SCIN: variants seen among roughly 807,000 people sequenced by gnomAD.
SCIN encodes the protein scinderin.
Under a neutral mutation model 91.8 loss-of-function variants are expected in SCIN, and 91 were observed. That is an observed-to-expected ratio of 0.99 (90% CI 0.84 to 1.18). The LOEUF (loss-of-function observed/expected upper bound fraction) is 1.18, where lower values mean the gene tolerates loss of function less well. Among genes scored for constraint, SCIN ranks in the 50% most tolerant of loss-of-function variants. The pLI is 0.00. For missense variants in SCIN, 1,087 were observed against 863.9 expected (o/e 1.26, Z -3.24); for synonymous variants, 367 against 312.6 (o/e 1.17, Z -1.84).
intron 9 of SCIN, among the ~76,000 whole-genome samples, chr7:12,630,944 T>C (rs2115280464): frequency 6.6e-6 from 1 of 152,366 alleles, no homozygotes; most frequent in Middle Eastern, 3.4e-3. Context: ...ATAAATTAAT[T>C]ATTCCCAGTT....
chr7:12,585,983 C>T (rs1782579036), intron 3 of SCIN, among the ~76,000 whole-genome samples: 1 of 152,214 alleles, frequency 6.6e-6, no homozygotes, highest in Non-Finnish European at 1.5e-5. Flanking sequence ...TGTCCAGTGT[C>T]CCAGCCCTTT....
At chr7:12,605,862 CTTAAA>C (rs1389681671) in intron 4 of SCIN, among the ~76,000 whole-genome samples, 3 of 152,094 alleles carry the variant, frequency 2.0e-5, no homozygotes, top group African/African-American at 7.2e-5. Context: ...TAGTGTAGTT[CTTAAA>C]TTAATGTGAA....
chr7:12,603,210 T>G (rs1431593910), intron 3 of SCIN, among the ~76,000 whole-genome samples: 1 of 152,106 alleles, frequency 6.6e-6, no homozygotes, highest in Non-Finnish European at 1.5e-5. Flanking sequence ...AATGGCATGA[T>G]CTCCGCTCAC....
In SCIN at chr7:12,570,725, C is replaced by A; in HGVS notation, c.-62C>A. Reference sequence around the variant, plus strand: ...GCGGCGAATAAGGTTCCTCCTGCTGCTCTCGGTTTAGTCCAAGATCAGCGA... The same window carrying A: ...GCGGCGAATAAGGTTCCTCCTGCTGATCTCGGTTTAGTCCAAGATCAGCGA... On this transcript the variant is annotated 5_prime_UTR_variant, in exon 1 of 16. Transcript: ENST00000297029. 1 of 1,518,110 alleles carries A rather than the reference C, an allele frequency of 6.6e-7. No individual in the cohort carries two copies. The highest frequency in any genetic ancestry group is 8.9e-7 in the Non-Finnish European group (1 of 1,125,562). The allele number at this position is 1,518,110 out of a possible 1,614,324, so 94.0% of individuals were successfully genotyped here.
intron 3 of SCIN, among the ~76,000 whole-genome samples, chr7:12,583,931 T>A (rs1186119079): frequency 6.6e-6 from 1 of 152,172 alleles, no homozygotes; most frequent in Non-Finnish European, 1.5e-5. Context: ...ATATTTGGAA[T>A]GAGAGATATT....
intron 4 of SCIN, among the ~76,000 whole-genome samples, chr7:12,620,000 AT>A (rs1281423244): frequency 3.3e-5 from 5 of 152,020 alleles, no homozygotes; most frequent in Non-Finnish European, 7.4e-5. Flanking sequence ...TTAAAAATAA[AT>A]TTTAAATGTT....
chr7:12,594,724 A>G (rs534380111), intron 3 of SCIN, among the ~76,000 whole-genome samples: 58 of 152,118 alleles, frequency 3.8e-4, no homozygotes, highest in Non-Finnish European at 7.5e-4. Flanking sequence ...ACCACAGACG[A>G]CAAAGACGAG....
intron 1 of SCIN, among the ~76,000 whole-genome samples, chr7:12,573,831 A>G (rs1361312783): frequency 6.6e-6 from 1 of 152,198 alleles, no homozygotes; most frequent in Non-Finnish European, 1.5e-5. Context: ...GGGCTATACC[A>G]GGCCTTGTGC....
intron 3 of SCIN, among the ~76,000 whole-genome samples, chr7:12,585,510 C>G (rs2115218759): frequency 6.6e-6 from 1 of 152,294 alleles, no homozygotes. Context: ...GACCTCTTGC[C>G]TGAGCTCCAA....
chr7:12,624,899 GC>G, intron 5 of SCIN, 110 bp from the exon 6 acceptor site: 1 of 1,064,192 alleles, frequency 9.4e-7, no homozygotes, highest in East Asian at 2.7e-5. Flanking sequence ...ACAATTCAAT[GC>G]TTTTTATTTG....
chr7:12,593,871 T>C (rs555723746), intron 3 of SCIN, among the ~76,000 whole-genome samples: 2 of 152,330 alleles, frequency 1.3e-5, no homozygotes, highest in South Asian at 4.1e-4. Flanking sequence ...AGCCACACTC[T>C]TTCCTTCTCT....
intron 3 of SCIN, among the ~76,000 whole-genome samples, chr7:12,601,134 T>C (rs1006516486): frequency 1.3e-5 from 2 of 152,238 alleles, no homozygotes; most frequent in South Asian, 2.1e-4. Context: ...TTATTTCTTA[T>C]AAAGTTTTGC....
At chr7:12,594,726 A>G (rs929493155) in intron 3 of SCIN, among the ~76,000 whole-genome samples, 2 of 152,124 alleles carry the variant, frequency 1.3e-5, no homozygotes, top group African/African-American at 4.8e-5. Context: ...CACAGACGAC[A>G]AAGACGAGAG....
At chr7:12,635,611 C>CAAAAA (rs59324421) in intron 9 of SCIN, among the ~76,000 whole-genome samples, 139 of 5,862 alleles carry the variant, frequency 0.024, 36 homozygotes, top group East Asian at 0.044. Flanking sequence ...GACTCCGTCT[C>CAAAAA]AAAAAAAAAA....
At chr7:12,640,272 A>C in intron 10 of SCIN, 75 bp from the exon 11 acceptor site, 1 of 1,279,404 alleles carries the variant, frequency 7.8e-7, no homozygotes, top group Non-Finnish European at 1.0e-6. Flanking sequence ...ACAACATAAG[A>C]ACACATTTGG....
rs1226494979 is a variant in SCIN, at chr7:12,626,715, T to A, written c.1113T>A (p.Ile371=). The A allele has an allele frequency of 1.2e-6, 2 of 1,603,938 alleles. No homozygotes were observed. The highest frequency in any genetic ancestry group is 1.1e-5 in the South Asian group (1 of 88,860). ...AGAAAGTGGCTCAAATAAAACAAAT[T>A]CCCTTTGATGCCTCAAAATTACACA... is the stretch of plus-strand genomic sequence containing the variant. ...VTEKVAQIKQ[I]PFDASKLHSS... The change falls in exon 8 of 16, where the codon ATT becomes ATA. Residue 371 remains isoleucine, a synonymous_variant. Transcript: ENST00000297029.
chr7:12,635,518 A>C (rs1457594084), intron 9 of SCIN, among the ~76,000 whole-genome samples: 3 of 145,274 alleles, frequency 2.1e-5, no homozygotes, highest in Admixed American at 7.0e-5. Flanking sequence ...AGGCTGAGGC[A>C]GGAGAATCGC....
chr7:12,648,009 G>A (rs948512951), intron 13 of SCIN, among the ~76,000 whole-genome samples: 1 of 152,032 alleles, frequency 6.6e-6, no homozygotes, highest in South Asian at 2.1e-4. Flanking sequence ...ATAAAGAATG[G>A]GGAACCATAA....
rs1784109897 is a variant in SCIN, at chr7:12,652,838, T to G, written c.*123T>G. The G allele has an allele frequency of 3.3e-6, 4 of 1,208,714 alleles. No individual in the cohort carries two copies. The Admixed American group carries it at 7.2e-5, about 22-fold the overall frequency. The allele number at this position is 1,208,714 out of a possible 1,614,324, so 74.9% of individuals were successfully genotyped here. A position where few individuals can be genotyped will look rare whatever the true frequency, so the allele number is the denominator to read the frequency against. On this transcript the variant is annotated 3_prime_UTR_variant, in exon 16 of 16. Transcript: ENST00000297029. ...GAAAATTAAGGCTGGGCGCGGTGGC[T>G]CACACCTGTAATCCCAGCACTTTGA...
Sources: gnomAD v4.1 joint callset for allele counts (sites outside exome capture counted in the v4.1 genomes callset) on GRCh38, gnomAD v4.1.1 for gene constraint, MANE v1.5 for transcripts, NCBI Gene and HGNC (gene_info 2026-07-23, HGNC 2026-07-21) for gene names.